The following CELF5 variants were observed in gnomAD, a reference collection of about 807,000 sequenced individuals.
CELF5 encodes CUGBP Elav-like family member 5, also known as CUG-BP and ETR-3 like factor 5.
CELF5 carries 6 observed loss-of-function variants against 54.9 expected under a neutral mutation model. The observed-to-expected ratio is 0.11, with a 90% CI of 0.06 to 0.22. The LOEUF (loss-of-function observed/expected upper bound fraction) is 0.22. Ranked by LOEUF, CELF5 falls within the 10% of genes least tolerant of loss-of-function variation. The pLI is 1.00. For synonymous variants in CELF5, 271 were observed against 290.9 expected (o/e 0.93, Z 0.70); for missense variants, 401 against 678.6 (o/e 0.59, Z 4.54).
intron 2 of CELF5, among the ~76,000 whole-genome samples, chr19:3,258,908 G>T (rs1260572999): frequency 6.6e-6 from 1 of 152,180 alleles, no homozygotes; most frequent in African/African-American, 2.4e-5. Flanking sequence ...ACTGTGCTTA[G>T]CCTGGATTTA....
chr19:3,251,983 G>A (rs2145066464), intron 2 of CELF5, among the ~76,000 whole-genome samples: 1 of 150,910 alleles, frequency 6.6e-6, no homozygotes, highest in Non-Finnish European at 1.5e-5. Flanking sequence ...CCAACACAGG[G>A]GCTTCTTCAT....
chr19:3,271,807 C>T (rs1320997916), intron 2 of CELF5, among the ~76,000 whole-genome samples: 17 of 151,860 alleles, frequency 1.1e-4, no homozygotes, highest in Admixed American at 1.1e-3. Flanking sequence ...GGAGCTGGAA[C>T]GGGTCTTAGA....
chr19:3,257,060 C>T (rs1217167903), intron 2 of CELF5, among the ~76,000 whole-genome samples: 1 of 152,168 alleles, frequency 6.6e-6, no homozygotes, highest in Non-Finnish European at 1.5e-5. Context: ...CCTCCCACCT[C>T]AGCCTCCCAA....
At chr19:3,233,421 T>A (rs1208458405) in intron 1 of CELF5, among the ~76,000 whole-genome samples, 1 of 152,040 alleles carries the variant, frequency 6.6e-6, no homozygotes, top group African/African-American at 2.4e-5. Flanking sequence ...TTGAGATAGG[T>A]GTGAGGTGAG....
chr19:3,290,846 A>G (rs55814755), intron 11 of CELF5, among the ~76,000 whole-genome samples: 82,534 of 150,316 alleles, frequency 0.55, 23,943 homozygotes, highest in Middle Eastern at 0.69. Flanking sequence ...GATTACAGGC[A>G]TGATCCACTG....
chr19:3,293,639 C>T (rs2080389057), intron 12 of CELF5, 153 bp downstream of exon 12: 1 of 650,906 alleles, frequency 1.5e-6, no homozygotes, highest in Non-Finnish European at 2.6e-6. Context: ...GGGGACAGAG[C>T]TGGATGTAGA....
chr19:3,248,857 C>T (rs769318206), intron 1 of CELF5, among the ~76,000 whole-genome samples: 6 of 59,162 alleles, frequency 1.0e-4, no homozygotes, highest in East Asian at 8.5e-4. Flanking sequence ...TTTCTTTCTT[C>T]CTTCCTTCCT....
chr19:3,242,483 C>T (rs967042988), intron 1 of CELF5, among the ~76,000 whole-genome samples: 3 of 151,744 alleles, frequency 2.0e-5, no homozygotes, highest in African/African-American at 7.3e-5. Context: ...CCAGCCTGGC[C>T]AACATGGTGA....
At chr19:3,251,394 T>C (rs1436903684) in intron 2 of CELF5, among the ~76,000 whole-genome samples, 1 of 152,094 alleles carries the variant, frequency 6.6e-6, no homozygotes, top group Non-Finnish European at 1.5e-5. Context: ...GGGCACAGCA[T>C]GTGCCAAGGC....
rs974704481 is a variant in CELF5 at position 3,228,622 on chromosome 19, G to C, written c.259+3624G>C. 1.3e-5 allele frequency among the ~76,000 whole-genome samples: 2 copies of C among 151,996 alleles called. No individual in the cohort carries two copies. The highest frequency in any genetic ancestry group is 2.4e-5 in the African/African-American group (1 of 41,392). On this transcript the variant is annotated intron_variant, in intron 1 of 12. Coordinates refer to ENST00000292672, the MANE Select transcript of CELF5 (RefSeq NM_021938.4). This position sits in a 1 kb window ranked among gnomAD's most constrained non-coding sequence, Gnocchi z 6.0. ...GCTGGGGGACGGTGCAGGTGGGGGG[G>C]GGGCCCGGCGGGGGCCCGGGTGGGG...
At chr19:3,237,653 T>G (rs1477293580) in intron 1 of CELF5, among the ~76,000 whole-genome samples, 5 of 152,170 alleles carry the variant, frequency 3.3e-5, no homozygotes. Flanking sequence ...TGAGTGGGTT[T>G]TGGCAGCTTA....
Position 3,259,796 on chromosome 19 carries a change from G to T in CELF5, c.342+8729G>T, listed in dbSNP as rs575227375. 2.0e-5 allele frequency among the ~76,000 whole-genome samples: 3 copies of T among 151,702 alleles called. No homozygotes were observed. In the East Asian group the frequency reaches 5.9e-4, roughly 30 times the overall value. ...ACGACGTGGGGGTGCTGCTGGCATG[G>T]AGTGGGTGGAGGCCAGGGACGCTAC... On this transcript the variant is annotated intron_variant, in intron 2 of 12. Coordinates refer to ENST00000292672, the MANE Select transcript of CELF5 (RefSeq NM_021938.4).
At chr19:3,293,539 C>A in intron 12 of CELF5, 53 bp downstream of exon 12, 1 of 1,412,720 alleles carries the variant, frequency 7.1e-7, no homozygotes, top group Non-Finnish European at 9.5e-7. Context: ...TTGTCTGAAA[C>A]CCCCTCCCGC....
Position 3,251,454 on chromosome 19 carries a change from T to C in CELF5, c.342+387T>C, listed in dbSNP as rs2079646354. ...GTTGGAGGAACAGGGAGGAGGCCCG[T>C]GTGGCTGGAACAGAGTGAGGAGGTG... On this transcript the variant is annotated intron_variant, in intron 2 of 12. Transcript: ENST00000292672. 2.0e-5 allele frequency among the ~76,000 whole-genome samples: 3 copies of C among 151,816 alleles called. No individual in the cohort carries two copies. The South Asian group carries it at 6.3e-4, about 32-fold the overall frequency.
chr19:3,250,906 A>T, intron 1 of CELF5, 79 bp from the exon 2 acceptor site: 2 of 895,672 alleles, frequency 2.2e-6, no homozygotes, highest in Non-Finnish European at 3.6e-6. Flanking sequence ...GCTTCCACCT[A>T]GTGGCCACTG....
chr19:3,243,849 C>T lies in CELF5; in HGVS notation c.260-7136C>T, dbSNP rs566036738. ...CGTCCCATCTCCGCCTGCATCTTCA[C>T]GTCCCCCTGCCTGTGCGTGTCTCTG... is the stretch of plus-strand genomic sequence containing the variant. On this transcript the variant is annotated intron_variant, in intron 1 of 12. Transcript: ENST00000292672. Among the ~76,000 whole-genome samples the T allele has an allele frequency of 2.7e-3, 411 of 152,148 alleles. 2 individuals carry two copies. The highest frequency in any genetic ancestry group is 9.1e-3 in the African/African-American group (379 of 41,520).
At chr19:3,239,345 C>T (rs957021475) in intron 1 of CELF5, among the ~76,000 whole-genome samples, 4 of 151,968 alleles carry the variant, frequency 2.6e-5, no homozygotes, top group African/African-American at 7.2e-5. Flanking sequence ...GCAATCCTCC[C>T]GCCTCAGCCT....
chr19:3,244,927 G>T (rs981380349), intron 1 of CELF5, among the ~76,000 whole-genome samples: 1 of 141,304 alleles, frequency 7.1e-6, no homozygotes, highest in Non-Finnish European at 1.5e-5. Context: ...ACATCTGTAC[G>T]TGTGTGTGTG....
At chr19:3,289,896 T>G (rs891625801) in intron 10 of CELF5, among the ~76,000 whole-genome samples, 2 of 151,970 alleles carry the variant, frequency 1.3e-5, no homozygotes, top group African/African-American at 4.8e-5. Context: ...GAGGGTGGCC[T>G]TCCTCGGGGT....
Sources: gnomAD v4.1 joint callset for allele counts (sites outside exome capture counted in the v4.1 genomes callset) on GRCh38, gnomAD v4.1.1 for gene constraint, Gnocchi (gnomAD v3.1) non-coding constraint, MANE v1.5 for transcripts, NCBI Gene and HGNC (gene_info 2026-07-23, HGNC 2026-07-21) for gene names.